Variants in ENDOD1 observed in about 807,000 individuals in gnomAD.
ENDOD1 encodes the protein endonuclease domain containing 1.
A neutral mutation model predicts 6.5 loss-of-function variants in ENDOD1; 9 were observed. That is an observed-to-expected ratio of 1.39 (90% CI 0.84 to 2.43). The LOEUF (loss-of-function observed/expected upper bound fraction) is 2.43, where lower values mean the gene tolerates loss of function less well. Ranked by LOEUF, ENDOD1 falls within the 30% of genes most tolerant of loss-of-function variation. ENDOD1 has a pLI of 0.00. For synonymous variants in ENDOD1, 255 were observed against 255.2 expected, an observed-to-expected ratio of 1.00 and a Z score of 0.01; for missense variants, 648 against 635.5, an observed-to-expected ratio of 1.02 and a Z score of -0.21.
chr11:95,131,291 C>CT lies in ENDOD1; in HGVS notation c.*1715dup, dbSNP rs1859368374. On this transcript the variant is annotated 3_prime_UTR_variant, in exon 2 of 2. Coordinates refer to ENST00000278505, the MANE Select transcript of ENDOD1 (RefSeq NM_015036.3). ...TAGGGAGCATAAAGTTTGGATGTCCCTTTATTTCAGCAGTGTGAAGGTAAA... is the reference window on the plus strand; with the variant it reads ...TAGGGAGCATAAAGTTTGGATGTCCCTTTTATTTCAGCAGTGTGAAGGTAAA... The CT allele has an allele frequency of 6.6e-6, 1 of 152,172 alleles. No individual in the cohort carries two copies. Among genetic ancestry groups the CT allele is most frequent in the Non-Finnish European group, 1.5e-5 (1 of 68,046 alleles). 9.4% of individuals were successfully genotyped at this position (152,172 alleles called of 1,614,324 possible).
Position 95,090,004 on chromosome 11 carries a change from A to G in ENDOD1, c.77A>G (p.Glu26Gly). ...CTGCTGGAAGGCCGGCTCGTGGGCG[A>G]GGAGGAAGCCGGCTTTGGCGAATGT... Reference protein sequence around the residue: ...AGLLEGRLVGEEEAGFGECDK... With the variant: ...AGLLEGRLVGGEEAGFGECDK... The change falls in exon 1 of 2, where the codon GAG (glutamate) becomes GGG (glycine). Residue 26 changes from glutamate to glycine, a missense_variant. Physicochemically the swap from Glu to Gly is moderately conservative, Grantham distance 98 (BLOSUM62 -2). Coordinates refer to ENST00000278505, the MANE Select transcript of ENDOD1 (RefSeq NM_015036.3). 6.4e-7 allele frequency: 1 copy of G among 1,570,960 alleles called. No homozygotes were observed. Among genetic ancestry groups the G allele is most frequent in the East Asian group, 2.4e-5 (1 of 41,066 alleles).
chr11:95,114,285 TTTTTGTAGAG>T (rs1859180670), intron 1 of ENDOD1, among the ~76,000 whole-genome samples: 1 of 147,616 alleles, frequency 6.8e-6, no homozygotes, highest in African/African-American at 2.7e-5. Context: ...CCTAGCTAAT[TTTTTGTAGAG>T]ACGGGGTTTC....
intron 1 of ENDOD1, among the ~76,000 whole-genome samples, chr11:95,120,135 C>T (rs1364321458): frequency 6.6e-6 from 1 of 152,048 alleles, no homozygotes; most frequent in Non-Finnish European, 1.5e-5. Context: ...AATCGGGGGC[C>T]CCAAGAGCCC....
At chr11:95,112,077 A>G (rs1859156522) in intron 1 of ENDOD1, among the ~76,000 whole-genome samples, 1 of 152,150 alleles carries the variant, frequency 6.6e-6, no homozygotes, top group Non-Finnish European at 1.5e-5. Context: ...CTGGTCTCTA[A>G]TCACCAAAGG....
chr11:95,119,871 A>G (rs1859245773), intron 1 of ENDOD1, among the ~76,000 whole-genome samples: 1 of 152,164 alleles, frequency 6.6e-6, no homozygotes, highest in South Asian at 2.1e-4. Flanking sequence ...GCTGGCATTC[A>G]AGCCACAAAA....
At chr11:95,104,551 T>C (rs1555111260) in intron 1 of ENDOD1, among the ~76,000 whole-genome samples, 1 of 152,148 alleles carries the variant, frequency 6.6e-6, no homozygotes, top group Non-Finnish European at 1.5e-5. Flanking sequence ...CTTGCAAGAT[T>C]CATATCCCTA....
intron 1 of ENDOD1, among the ~76,000 whole-genome samples, chr11:95,094,101 C>T (rs1555110094): frequency 6.7e-6 from 1 of 149,642 alleles, no homozygotes; most frequent in Non-Finnish European, 1.5e-5. Flanking sequence ...ATTTTATAAA[C>T]ATGGAAGGAA....
intron 1 of ENDOD1, among the ~76,000 whole-genome samples, chr11:95,118,861 T>C (rs1859236154): frequency 6.6e-6 from 1 of 152,210 alleles, no homozygotes; most frequent in South Asian, 2.1e-4. Context: ...TTCTTTTTCT[T>C]TTGTCTCTTG....
Position 95,100,748 on chromosome 11 carries a change from C to T in ENDOD1, c.300+10521C>T, listed in dbSNP as rs186686081. Among the ~76,000 whole-genome samples, 124 of 150,876 alleles carry T rather than the reference C, an allele frequency of 8.2e-4. 1 individual carries two copies. The Middle Eastern group carries it at 0.01, about 13-fold the overall frequency. ...CTGAGTTCAAGTGATCCTCCTGTAT[C>T]GGCCTTCCAAAGTGCTGGATTACAG... On this transcript the variant is annotated intron_variant, in intron 1 of 1. Transcript: ENST00000278505.
At chr11:95,116,607 C>T (rs920164380) in intron 1 of ENDOD1, among the ~76,000 whole-genome samples, 2 of 152,020 alleles carry the variant, frequency 1.3e-5, no homozygotes, top group African/African-American at 2.4e-5. Flanking sequence ...TCTACTTTTT[C>T]GTTGTAGGTG....
intron 1 of ENDOD1, among the ~76,000 whole-genome samples, chr11:95,100,683 G>A (rs1859030120): frequency 6.6e-6 from 1 of 151,486 alleles, no homozygotes; most frequent in South Asian, 2.1e-4. Context: ...TTTTTGTAGA[G>A]ATGGGGTTTT....
chr11:95,122,891 A>T (rs1025659560), intron 1 of ENDOD1, among the ~76,000 whole-genome samples: 2 of 152,194 alleles, frequency 1.3e-5, no homozygotes, highest in Non-Finnish European at 2.9e-5. Flanking sequence ...TTAGTATGGT[A>T]TTAAAAGGTC....
In ENDOD1 at chr11:95,128,534, T is replaced by C. The variant is rs757321589; in HGVS notation, c.458T>C (p.Val153Ala). Residue 153 changes from valine to alanine, a missense_variant, in exon 2 of 2, where the codon GTC (valine) becomes GCC (alanine). Coordinates refer to ENST00000278505, the MANE Select transcript of ENDOD1 (RefSeq NM_015036.3). ...TACCCATTCTCCCTTAGCAGTGATG[T>C]CCAGGTGGCCACATTTACTCTCACA... ...QLYPFSLSSD[V>A]QVATFTLTNS... 19 of 1,614,122 alleles carry C rather than the reference T, an allele frequency of 1.2e-5. No individual in the cohort carries two copies. The highest frequency in any genetic ancestry group is 1.5e-5 in the Non-Finnish European group (18 of 1,180,040).
intron 1 of ENDOD1, among the ~76,000 whole-genome samples, chr11:95,123,434 G>A (rs76266374): frequency 0.035 from 5,302 of 152,028 alleles, 132 homozygotes; most frequent in Non-Finnish European, 0.05. Flanking sequence ...TGTTTACAAC[G>A]TGGCCAATGT....
At chr11:95,111,029 A>G (rs141834547) in intron 1 of ENDOD1, among the ~76,000 whole-genome samples, 1 of 152,332 alleles carries the variant, frequency 6.6e-6, no homozygotes, top group East Asian at 1.9e-4. Flanking sequence ...AGGACAGAAA[A>G]GGAGTGGAGG....
rs746872734 is a variant in ENDOD1, at chr11:95,129,188, G to T, written c.1112G>T (p.Gly371Val). 1 of 1,614,122 alleles carries T rather than the reference G, an allele frequency of 6.2e-7. No individual in the cohort carries two copies. Among genetic ancestry groups the T allele is most frequent in the Admixed American group, 1.7e-5 (1 of 60,012 alleles). ...LWCVTKQVIN[G>V]IESCLYRLGS... ...TGTGTTACCAAGCAGGTGATTAATG[G>T]CATAGAAAGTTGCCTTTACCGCCTG... The change falls in exon 2 of 2, where the codon GGC becomes GTC. Residue 371 changes from glycine to valine, a missense_variant. Transcript: ENST00000278505.
chr11:95,128,410 A>T lies in ENDOD1; in HGVS notation c.334A>T (p.Ile112Phe), dbSNP rs2134176076. Residue 112 changes from isoleucine to phenylalanine, a missense_variant, in exon 2 of 2, where the codon ATT becomes TTT. Coordinates refer to ENST00000278505, the MANE Select transcript of ENDOD1 (RefSeq NM_015036.3). ...CCCCAACAGCAACCTTGAGGAGGCG[A>T]TTAATGAGGCAGAGGCCATCACCTC... is the stretch of plus-strand genomic sequence containing the variant. ...DDPNSNLEEA[I>F]NEAEAITSVN... 1.2e-6 allele frequency: 2 copies of T among 1,614,044 alleles called. No individual in the cohort carries two copies. The highest frequency in any genetic ancestry group is 4.5e-5 in the East Asian group (2 of 44,886).
chr11:95,110,178 A>G (rs1555111761), intron 1 of ENDOD1, among the ~76,000 whole-genome samples: 2 of 152,226 alleles, frequency 1.3e-5, no homozygotes, highest in African/African-American at 4.8e-5. Context: ...CCTGGCCACC[A>G]TGGCAGAGAA....
chr11:95,113,988 T>C (rs565099628), intron 1 of ENDOD1, among the ~76,000 whole-genome samples: 29 of 152,220 alleles, frequency 1.9e-4, no homozygotes, highest in Non-Finnish European at 2.9e-4. Context: ...TGATATCTCA[T>C]TGTAGTTGTG....
Sources: gnomAD v4.1 joint callset for allele counts (sites outside exome capture counted in the v4.1 genomes callset) on GRCh38, gnomAD v4.1.1 for gene constraint, MANE v1.5 for transcripts, NCBI Gene and HGNC (gene_info 2026-07-23, HGNC 2026-07-21) for gene names.